SLC22A23: variants seen among roughly 807,000 people sequenced by gnomAD.
SLC22A23 encodes solute carrier family 22 member 23.
In SLC22A23, 26 loss-of-function variants were observed where a neutral mutation model predicts 61.0. That is an observed-to-expected ratio of 0.43 (90% CI 0.31 to 0.59). SLC22A23 has a LOEUF of 0.59. SLC22A23 is among the 20% of genes least tolerant of loss of function. The pLI is 0.11. For synonymous variants in SLC22A23, 430 were observed against 413.9 expected (o/e 1.04, Z -0.47); for missense variants, 796 against 934.7 (o/e 0.85, Z 1.94).
At chr6:3,302,901 A>G (rs536451956) in intron 4 of SLC22A23, 1 of 152,330 alleles carries the variant, frequency 6.6e-6, no homozygotes, top group South Asian at 2.1e-4. Flanking sequence ...CAAAGGAAAC[A>G]ATCAACAGAC....
At chr6:3,344,838 G>C (rs1350980827) in intron 3 of SLC22A23, among the ~76,000 whole-genome samples, 1 of 152,182 alleles carries the variant, frequency 6.6e-6, no homozygotes, top group Non-Finnish European at 1.5e-5. Flanking sequence ...TGGGGTAAAG[G>C]TGCTTCTGGA....
intron 1 of SLC22A23, among the ~76,000 whole-genome samples, chr6:3,425,210 G>T (rs1040835341): frequency 6.7e-6 from 1 of 150,276 alleles, no homozygotes; most frequent in Non-Finnish European, 1.5e-5. Flanking sequence ...TCCAGGGAAA[G>T]ATATTTCTAG....
intron 3 of SLC22A23, among the ~76,000 whole-genome samples, chr6:3,373,969 A>T (rs1011549248): frequency 6.6e-6 from 1 of 152,218 alleles, no homozygotes; most frequent in South Asian, 2.1e-4. Flanking sequence ...TACTTTTGTT[A>T]TCTCCATCTT....
intron 6 of SLC22A23, among the ~76,000 whole-genome samples, chr6:3,287,867 TAG>T (rs997640682): frequency 9.2e-5 from 14 of 152,052 alleles, no homozygotes; most frequent in African/African-American, 3.4e-4. Context: ...TATTTTTTGG[TAG>T]AGACAGGGTT....
Position 3,372,771 on chromosome 6 carries a change from A to C in SLC22A23, c.913+37417T>G, listed in dbSNP as rs972740483. Reference sequence around the variant, plus strand: ...CAATCTAGGCCAACATTCTCTTCCAAATTCTGACTTGTTTTTATTTCACAA... The same window carrying C: ...CAATCTAGGCCAACATTCTCTTCCACATTCTGACTTGTTTTTATTTCACAA... On this transcript the variant is annotated intron_variant, in intron 3 of 9. Coordinates refer to ENST00000406686, the MANE Select transcript of SLC22A23 (RefSeq NM_015482.2). The surrounding 1 kb of genome is among the most constrained non-coding windows in gnomAD (Gnocchi z 4.7). Among the ~76,000 whole-genome samples, 1 of 152,178 alleles carries C rather than the reference A, an allele frequency of 6.6e-6. No homozygotes were observed. The highest frequency in any genetic ancestry group is 2.4e-5 in the African/African-American group (1 of 41,440).
chr6:3,448,108 G>T (rs565845271), intron 1 of SLC22A23, among the ~76,000 whole-genome samples: 1 of 148,326 alleles, frequency 6.7e-6, no homozygotes, highest in African/African-American at 2.5e-5. Context: ...TCACCATGTC[G>T]GTCAGGCTGG....
rs1758357037 is a variant in SLC22A23, at chr6:3,269,755, G to A, written c.*3300C>T. ...GCGAGGTGGTGCCTTCTAGACGAGA[G>A]GACAGCTGTAGTGTGGACCTCCCCC... On this transcript the variant is annotated 3_prime_UTR_variant, in exon 10 of 10. Transcript: ENST00000406686. 1 of 152,852 alleles carries A rather than the reference G, an allele frequency of 6.5e-6. No individual in the cohort carries two copies. The highest frequency in any genetic ancestry group is 1.5e-5 in the Non-Finnish European group (1 of 68,056). 9.5% of individuals were successfully genotyped at this position (152,852 alleles called of 1,614,324 possible). A position where few individuals can be genotyped will look rare whatever the true frequency, so the allele number is the denominator to read the frequency against.
At chr6:3,412,480 G>A (rs1581843878) in intron 2 of SLC22A23, among the ~76,000 whole-genome samples, 2 of 152,194 alleles carry the variant, frequency 1.3e-5, no homozygotes, top group African/African-American at 4.8e-5. Flanking sequence ...TTCAATACAT[G>A]TTAGTTACAA....
chr6:3,439,896 G>A (rs985932793), intron 1 of SLC22A23, among the ~76,000 whole-genome samples: 2 of 152,116 alleles, frequency 1.3e-5, no homozygotes, highest in African/African-American at 4.8e-5. Flanking sequence ...GCATTGTTTG[G>A]GAAATAAACA....
At chr6:3,348,944 C>T (rs1764603661) in intron 3 of SLC22A23, among the ~76,000 whole-genome samples, 1 of 152,238 alleles carries the variant, frequency 6.6e-6, no homozygotes, top group Non-Finnish European at 1.5e-5. Context: ...ACTGTCTCTC[C>T]AGCGTTCATC....
intron 2 of SLC22A23, among the ~76,000 whole-genome samples, chr6:3,413,899 C>G (rs1228161033): frequency 2.6e-5 from 4 of 152,220 alleles, no homozygotes; most frequent in Admixed American, 2.6e-4. Flanking sequence ...CAGCCTGCCC[C>G]TGATTCCCGG....
At chr6:3,408,943 C>T (rs1769015083) in intron 3 of SLC22A23, among the ~76,000 whole-genome samples, 1 of 152,246 alleles carries the variant, frequency 6.6e-6, no homozygotes, top group Admixed American at 6.5e-5. Context: ...GACCAGGAGG[C>T]TTCTCCAGAA....
At position 3,324,490 on chromosome 6, in the gene SLC22A23, CCTT is replaced by C. The variant is rs1460483315; in HGVS notation, c.914-491_914-489del. On this transcript the variant is annotated intron_variant, in intron 3 of 9. Transcript: ENST00000406686. This position sits in a 1 kb window ranked among gnomAD's most constrained non-coding sequence, Gnocchi z 4.3. Reference sequence around the variant, plus strand: ...CTCCTACCCATATGCACCACCCACCCCTTCTTCTGGTTCTCACTCCAGGGCTCC... The same window carrying C: ...CTCCTACCCATATGCACCACCCACCCCTTCTGGTTCTCACTCCAGGGCTCC... 1.3e-5 allele frequency among the ~76,000 whole-genome samples: 2 copies of C among 152,174 alleles called. No homozygotes were observed. The highest frequency in any genetic ancestry group is 3.9e-4 in the East Asian group (2 of 5,190).
At chr6:3,391,689 G>C (rs778374222) in intron 3 of SLC22A23, among the ~76,000 whole-genome samples, 5 of 152,148 alleles carry the variant, frequency 3.3e-5, no homozygotes, top group Non-Finnish European at 7.3e-5. Context: ...GTGGTATGCG[G>C]AGATACAAAT....
At chr6:3,403,466 T>C (rs1017392498) in intron 3 of SLC22A23, among the ~76,000 whole-genome samples, 3 of 151,992 alleles carry the variant, frequency 2.0e-5, no homozygotes, top group East Asian at 1.9e-4. Flanking sequence ...AAGGGCAAGG[T>C]TGTTGACATG....
At chr6:3,355,363 G>A (rs1466557430) in intron 3 of SLC22A23, among the ~76,000 whole-genome samples, 3 of 151,906 alleles carry the variant, frequency 2.0e-5, no homozygotes, top group Admixed American at 6.6e-5. Context: ...TAAAAGACGG[G>A]AGGAAGACAA....
At chr6:3,437,633 G>A (rs1771306128) in intron 1 of SLC22A23, among the ~76,000 whole-genome samples, 1 of 151,808 alleles carries the variant, frequency 6.6e-6, no homozygotes. Context: ...AGCTTGCAGA[G>A]AGCTGAGATC....
At chr6:3,432,195 T>C (rs142104158) in intron 1 of SLC22A23, 1 of 985,408 alleles carries the variant, frequency 1.0e-6, no homozygotes, top group Non-Finnish European at 1.2e-6. Flanking sequence ...CTGAGCCCAG[T>C]GCTCCTTGCC....
At position 3,444,832 on chromosome 6, in the gene SLC22A23, T is replaced by C. The variant is rs571876082; in HGVS notation, c.654+11074A>G. 4.1e-6 allele frequency: 4 copies of C among 985,582 alleles called. No individual in the cohort carries two copies. The African/African-American group carries it at 5.2e-5, about 13-fold the overall frequency. 61.1% of individuals were successfully genotyped at this position (985,582 alleles called of 1,614,324 possible). ...TGAAGGGCATACCTGGCTCCGAACA[T>C]CATCGGTTTCTGGGTGAAGGCGGCA... On this transcript the variant is annotated intron_variant, in intron 1 of 9. Coordinates refer to ENST00000406686, the MANE Select transcript of SLC22A23 (RefSeq NM_015482.2).
Sources: allele counts gnomAD v4.1 joint callset (sites outside exome capture counted in the v4.1 genomes callset), GRCh38; gene constraint gnomAD v4.1.1; non-coding constraint Gnocchi (gnomAD v3.1); transcripts MANE v1.5; gene names NCBI Gene and HGNC (gene_info 2026-07-23, HGNC 2026-07-21).